SYT1: variants seen among roughly 807,000 people sequenced by gnomAD.
SYT1 encodes the protein synaptotagmin 1, also known as synaptotagmin-1.
SYT1 carries 8 observed loss-of-function variants against 44.8 expected under a neutral mutation model. That is an observed-to-expected ratio of 0.18 (90% CI 0.10 to 0.32). The LOEUF (loss-of-function observed/expected upper bound fraction) is 0.32. Among genes scored for constraint, SYT1 ranks in the 10% least tolerant of loss-of-function variants. The probability of loss-of-function intolerance (pLI) is 1.00; values close to 1 mark genes in which losing one functional copy is unlikely to be tolerated. For missense variants in SYT1, 286 were observed against 509.3 expected (o/e 0.56, Z 4.22); for synonymous variants, 154 against 188.8 (o/e 0.82, Z 1.51).
intron 9 of SYT1, among the ~76,000 whole-genome samples, chr12:79,359,556 C>T (rs966348372): frequency 6.6e-6 from 1 of 152,086 alleles, no homozygotes; most frequent in Non-Finnish European, 1.5e-5. Context: ...GCAGCAATTA[C>T]TTGAGGGAAA....
chr12:79,115,218 A>G (rs1034831448), intron 3 of SYT1, among the ~76,000 whole-genome samples: 3 of 152,294 alleles, frequency 2.0e-5, no homozygotes, highest in Admixed American at 6.5e-5. Context: ...TTTCAAAAAC[A>G]TGTCTAGTCC....
intron 2 of SYT1, among the ~76,000 whole-genome samples, chr12:78,989,093 T>G (rs1339738082): frequency 2.0e-5 from 3 of 152,110 alleles, no homozygotes; most frequent in Non-Finnish European, 4.4e-5. Context: ...CTTGAACACT[T>G]TGGTGAAGCC....
At chr12:79,190,100 C>T (rs1231776434) in intron 3 of SYT1, among the ~76,000 whole-genome samples, 1 of 152,154 alleles carries the variant, frequency 6.6e-6, no homozygotes, top group Non-Finnish European at 1.5e-5. Context: ...TGCAGCACTA[C>T]ATCCTGAAGA....
At chr12:79,367,020 A>G (rs1245775) in intron 9 of SYT1, among the ~76,000 whole-genome samples, 47,544 of 150,546 alleles carry the variant, frequency 0.32, 9,372 homozygotes, top group African/African-American at 0.56. Flanking sequence ...TCCTGAAGCT[A>G]ACAGCAAATC....
intron 8 of SYT1, 123 bp downstream of exon 8, chr12:79,299,674 A>C: frequency 8.1e-7 from 1 of 1,239,218 alleles, no homozygotes; most frequent in Non-Finnish European, 1.1e-6. Flanking sequence ...TTGACAGCTG[A>C]TAAAATAGGG....
intron 3 of SYT1, among the ~76,000 whole-genome samples, chr12:79,133,214 A>G (rs1246930399): frequency 5.3e-5 from 8 of 152,092 alleles, no homozygotes; most frequent in African/African-American, 1.9e-4. Context: ...TGTGTGTTGT[A>G]TATTTCAAAA....
intron 4 of SYT1, among the ~76,000 whole-genome samples, chr12:79,279,880 A>G (rs970010905): frequency 2.0e-5 from 3 of 152,092 alleles, no homozygotes; most frequent in East Asian, 1.9e-4. Flanking sequence ...CGAGAACTCA[A>G]TCCCATTTAT....
chr12:79,296,560 G>C (rs1351335250), intron 7 of SYT1, among the ~76,000 whole-genome samples: 1 of 152,112 alleles, frequency 6.6e-6, no homozygotes, highest in Admixed American at 6.6e-5. Flanking sequence ...GAATTTCAAA[G>C]TTTGTGAAAA....
At chr12:79,359,220 G>A (rs557642113) in intron 9 of SYT1, among the ~76,000 whole-genome samples, 1 of 152,152 alleles carries the variant, frequency 6.6e-6, no homozygotes, top group East Asian at 1.9e-4. Context: ...AAGCATGGGG[G>A]CAAGCTGGAA....
chr12:78,906,713 G>A (rs1565711174), intron 1 of SYT1, among the ~76,000 whole-genome samples: 1 of 151,998 alleles, frequency 6.6e-6, no homozygotes, highest in Non-Finnish European at 1.5e-5. Context: ...GTCTGTCCTG[G>A]TGTAAGAAAT....
chr12:79,105,966 T>A (rs17046391), intron 3 of SYT1, among the ~76,000 whole-genome samples: 3,749 of 151,606 alleles, frequency 0.025, 118 homozygotes, highest in South Asian at 0.11. Context: ...ATTGTAGAGG[T>A]TAACTTGGCA....
chr12:79,061,472 A>G (rs1429706470), intron 3 of SYT1, among the ~76,000 whole-genome samples: 1 of 152,124 alleles, frequency 6.6e-6, no homozygotes. Flanking sequence ...GGCATTTGAG[A>G]ACAGGACTTC....
At chr12:78,868,296 A>C (rs1476893376) in intron 1 of SYT1, among the ~76,000 whole-genome samples, 1 of 151,836 alleles carries the variant, frequency 6.6e-6, no homozygotes, top group Non-Finnish European at 1.5e-5. Context: ...ACCCATACCA[A>C]AGTTAGACTT....
At chr12:79,199,736 C>T (rs77217392) in intron 3 of SYT1, among the ~76,000 whole-genome samples, 2,117 of 152,114 alleles carry the variant, frequency 0.014, 22 homozygotes, top group Non-Finnish European at 0.02. Flanking sequence ...AATATAAATA[C>T]GTATCATAAG....
At chr12:79,428,439 G>A (rs143539997) in intron 9 of SYT1, among the ~76,000 whole-genome samples, 15 of 152,090 alleles carry the variant, frequency 9.9e-5, no homozygotes, top group East Asian at 1.9e-4. Flanking sequence ...GATGATTCAC[G>A]AGGCCTTTAA....
intron 8 of SYT1, among the ~76,000 whole-genome samples, chr12:79,348,143 G>A (rs1401651844): frequency 6.6e-6 from 1 of 152,146 alleles, no homozygotes; most frequent in Non-Finnish European, 1.5e-5. Context: ...AAGTAAAAAG[G>A]GAAGATCTCA....
chr12:79,308,612 AAAAGAAAGAAAGAAAGAAAGAAAGAAAG>A (rs199999817), intron 8 of SYT1, among the ~76,000 whole-genome samples: 7 of 134,320 alleles, frequency 5.2e-5, no homozygotes, highest in East Asian at 2.4e-4. Flanking sequence ...GAAAGAAAGA[AAAAGAAAGAAAGAAAGAAAGAAAGAAAG>A]AAAGAAAGAA....
chr12:79,120,599 C>T (rs958636987), intron 3 of SYT1, among the ~76,000 whole-genome samples: 1 of 152,058 alleles, frequency 6.6e-6, no homozygotes, highest in Non-Finnish European at 1.5e-5. Flanking sequence ...GTAACTTATG[C>T]AAAGTATCCT....
intron 1 of SYT1, among the ~76,000 whole-genome samples, chr12:78,943,961 A>G (rs1312461366): frequency 6.6e-6 from 1 of 152,190 alleles, no homozygotes; most frequent in East Asian, 1.9e-4. Context: ...AATTAGTTGC[A>G]TATTATCACT....
Sources: gnomAD v4.1 joint callset for allele counts (sites outside exome capture counted in the v4.1 genomes callset) on GRCh38, gnomAD v4.1.1 for gene constraint, MANE v1.5 for transcripts, NCBI Gene and HGNC (gene_info 2026-07-23, HGNC 2026-07-21) for gene names.